The following BRD9 variants were observed in gnomAD, a reference collection of about 807,000 sequenced individuals.
The protein encoded by BRD9 is bromodomain-containing protein 9.
A neutral mutation model predicts 68.7 loss-of-function variants in BRD9; 47 were observed. The observed-to-expected ratio is 0.68, with a 90% CI of 0.54 to 0.87. The LOEUF (loss-of-function observed/expected upper bound fraction) is 0.87, where lower values mean the gene tolerates loss of function less well. BRD9 is among the 40% of genes least tolerant of loss of function. The pLI, the probability that BRD9 is intolerant of heterozygous loss-of-function variation, is 0.00. For missense variants in BRD9, 670 were observed against 748.4 expected, an observed-to-expected ratio of 0.90 and a Z score of 1.22; for synonymous variants, 313 against 293.9, an observed-to-expected ratio of 1.06 and a Z score of -0.67.
At chr5:869,080 A>C (rs1431122890) in intron 14 of BRD9, 2 of 285,338 alleles carry the variant, frequency 7.0e-6, no homozygotes, top group Admixed American at 5.2e-5. Flanking sequence ...CTTGAGCTCT[A>C]TGAATTTCCT....
At chr5:871,821 A>G (rs1750175533) in intron 12 of BRD9, among the ~76,000 whole-genome samples, 1 of 152,204 alleles carries the variant, frequency 6.6e-6, no homozygotes, top group Non-Finnish European at 1.5e-5. Context: ...GGCGAGATGG[A>G]GCGGACAGAG....
chr5:891,606 G>C (rs961052639), intron 2 of BRD9, 34 bp downstream of exon 2: 3 of 1,545,754 alleles, frequency 1.9e-6, no homozygotes, highest in African/African-American at 2.8e-5. Context: ...GCTCCTCGTG[G>C]GCAGCGTCCG....
intron 9 of BRD9, 40 bp downstream of exon 9, chr5:881,067 T>A: frequency 6.3e-7 from 1 of 1,596,862 alleles, no homozygotes; most frequent in Non-Finnish European, 8.6e-7. Flanking sequence ...CAAAAAGCAG[T>A]GTACGGAGAG....
At chr5:873,102 T>C (rs897483886) in intron 12 of BRD9, among the ~76,000 whole-genome samples, 1 of 152,046 alleles carries the variant, frequency 6.6e-6, no homozygotes, top group African/African-American at 2.4e-5. Context: ...GAGGCAGAGG[T>C]TGCAGTGAGC....
chr5:865,679 T>C, intron 14 of BRD9, 98 bp from the exon 15 acceptor site: 1 of 1,321,740 alleles, frequency 7.6e-7, no homozygotes, highest in Non-Finnish European at 1.0e-6. Context: ...GCCTCTCTGC[T>C]CAGGACAATA....
chr5:886,126 C>T (rs527304575), intron 7 of BRD9, among the ~76,000 whole-genome samples: 1 of 152,278 alleles, frequency 6.6e-6, no homozygotes, highest in Non-Finnish European at 1.5e-5. Flanking sequence ...GCACCTGCTC[C>T]ACTCCAGCGT....
chr5:889,342 C>G (rs1237256116), intron 4 of BRD9, among the ~76,000 whole-genome samples, 177 bp from the exon 5 acceptor site: 1 of 152,228 alleles, frequency 6.6e-6, no homozygotes, highest in Non-Finnish European at 1.5e-5. Context: ...ATTCCCCCAA[C>G]GCATCCTGGC....
At position 887,150 on chromosome 5, in the gene BRD9, G is replaced by A. The variant is rs115768028; in HGVS notation, c.717+211C>T. 3.3e-3 allele frequency among the ~76,000 whole-genome samples: 500 copies of A among 152,302 alleles called. 2 individuals carry two copies. The highest frequency in any genetic ancestry group is 0.026 in the South Asian group (124 of 4,820). ...ACCCAGGCTTAAGATCAAGAGATGC[G>A]GAACTTTCCACCAACCCTCAATGAG... is the stretch of plus-strand genomic sequence containing the variant. On this transcript the variant is annotated intron_variant, in intron 6 of 15. Transcript: ENST00000467963.
intron 7 of BRD9, 146 bp from the exon 8 acceptor site, chr5:884,216 A>G: frequency 1.1e-6 from 1 of 950,726 alleles, no homozygotes; most frequent in Non-Finnish European, 1.5e-6. Context: ...TTTAGGTCTC[A>G]AAGCATCCCT....
At chr5:875,751 G>A (rs977217050) in intron 12 of BRD9, among the ~76,000 whole-genome samples, 3 of 152,180 alleles carry the variant, frequency 2.0e-5, no homozygotes, top group Admixed American at 6.5e-5. Context: ...TTTCAAAAAT[G>A]AAGATGAAAT....
intron 5 of BRD9, among the ~76,000 whole-genome samples, chr5:887,868 G>T (rs949792351): frequency 6.6e-6 from 1 of 152,244 alleles, no homozygotes. Context: ...TCTATCTCTA[G>T]AATTTCTCCA....
intron 15 of BRD9, 56 bp from the exon 16 acceptor site, chr5:864,624 G>A: frequency 6.7e-7 from 1 of 1,501,336 alleles, no homozygotes; most frequent in South Asian, 1.2e-5. Flanking sequence ...CAGCACACGT[G>A]GGGCTCCTGG....
chr5:885,120 G>A (rs957428854), intron 7 of BRD9, among the ~76,000 whole-genome samples: 8 of 152,294 alleles, frequency 5.3e-5, no homozygotes, highest in South Asian at 2.1e-4. Context: ...GGCAAAGGGC[G>A]GCCATGAAAC....
chr5:890,110 C>T (rs912800481), intron 3 of BRD9: 4 of 312,300 alleles, frequency 1.3e-5, no homozygotes, highest in East Asian at 8.1e-5. Flanking sequence ...GTGGGAGGAT[C>T]GCTTGAGCCC....
At chr5:877,024 T>C (rs1220033772) in intron 11 of BRD9, among the ~76,000 whole-genome samples, 1 of 152,236 alleles carries the variant, frequency 6.6e-6, no homozygotes, top group Non-Finnish European at 1.5e-5. Flanking sequence ...CTTCTGAGTG[T>C]TGCCCCTGCA....
intron 15 of BRD9, 118 bp downstream of exon 15, chr5:865,296 C>T (rs7702501): frequency 1.3e-4 from 169 of 1,341,838 alleles, no homozygotes; most frequent in Non-Finnish European, 1.6e-4. Context: ...ACAACAGCAC[C>T]GCTGCCCATG....
At chr5:876,518 G>A (rs940001192) in intron 11 of BRD9, among the ~76,000 whole-genome samples, 1 of 152,288 alleles carries the variant, frequency 6.6e-6, no homozygotes, top group East Asian at 1.9e-4. Flanking sequence ...CTTTCCACTC[G>A]TTATGCGTTT....
At chr5:873,833 G>T (rs55658610) in intron 12 of BRD9, among the ~76,000 whole-genome samples, 5,719 of 152,282 alleles carry the variant, frequency 0.038, 337 homozygotes, top group African/African-American at 0.13. Flanking sequence ...CGTTCTCAGA[G>T]CCTGGGAAGG....
At chr5:888,705 C>CTAG (rs1448026555) in intron 5 of BRD9, among the ~76,000 whole-genome samples, 3 of 152,228 alleles carry the variant, frequency 2.0e-5, no homozygotes, top group Non-Finnish European at 4.4e-5. Flanking sequence ...TTAAAAATGT[C>CTAG]TAGTCTCAAG....
Sources: gnomAD v4.1 joint callset for allele counts (sites outside exome capture counted in the v4.1 genomes callset) on GRCh38, gnomAD v4.1.1 for gene constraint, MANE v1.5 for transcripts, NCBI Gene and HGNC (gene_info 2026-07-23, HGNC 2026-07-21) for gene names.